LYRM4: variants seen among roughly 807,000 people sequenced by gnomAD.
The protein encoded by LYRM4 is LYR motif-containing protein 4.
Under a neutral mutation model 11.7 loss-of-function variants are expected in LYRM4, and 9 were observed. The observed-to-expected ratio is 0.77, with a 90% CI of 0.46 to 1.34. The LOEUF (loss-of-function observed/expected upper bound fraction) is 1.34, where lower values mean the gene tolerates loss of function less well. LYRM4 is among the 40% of genes most tolerant of loss of function. The pLI is 0.00. For missense variants in LYRM4, 133 were observed against 112.5 expected, an observed-to-expected ratio of 1.18 and a Z score of -0.82; for synonymous variants, 42 against 40.4, an observed-to-expected ratio of 1.04 and a Z score of -0.15.
intron 1 of LYRM4, among the ~76,000 whole-genome samples, chr6:5,221,466 G>T (rs904993589): frequency 6.6e-6 from 1 of 151,918 alleles, no homozygotes; most frequent in Admixed American, 6.6e-5. Flanking sequence ...AGGCCAAGGC[G>T]GGCGGATCAC....
intron 2 of LYRM4, among the ~76,000 whole-genome samples, chr6:5,176,088 A>G (rs1561849604): frequency 6.8e-6 from 1 of 147,878 alleles, no homozygotes; most frequent in Non-Finnish European, 1.5e-5. Flanking sequence ...TTTTTGAGAC[A>G]GAGTCTCGCT....
chr6:5,058,172 T>A, the LYRM4 span, among the ~76,000 whole-genome samples: 6 of 151,904 alleles, frequency 3.9e-5, no homozygotes, highest in African/African-American at 1.5e-4. Flanking sequence ...TTATGAAGAG[T>A]CTACACGGGG....
chr6:5,091,044 A>G, the LYRM4 span, among the ~76,000 whole-genome samples: 1 of 152,168 alleles, frequency 6.6e-6, no homozygotes, highest in African/African-American at 2.4e-5. Flanking sequence ...TTTGGTTCAC[A>G]CAATAGGACC....
intron 2 of LYRM4, among the ~76,000 whole-genome samples, chr6:5,116,720 G>A (rs1006991409): frequency 2.0e-5 from 3 of 152,162 alleles, no homozygotes; most frequent in Non-Finnish European, 2.9e-5. Context: ...TAGGGAGTTG[G>A]CATTAGAGTC....
At chr6:5,147,251 A>G (rs1757779034) in intron 2 of LYRM4, among the ~76,000 whole-genome samples, 1 of 152,152 alleles carries the variant, frequency 6.6e-6, no homozygotes, top group African/African-American at 2.4e-5. Flanking sequence ...TGTTACCTTA[A>G]CAAAACAAGG....
chr6:5,071,301 T>C, the LYRM4 span, among the ~76,000 whole-genome samples: 9 of 152,280 alleles, frequency 5.9e-5, no homozygotes, highest in East Asian at 9.6e-4. Context: ...CTTTCAATGA[T>C]AGTCTGTGCA....
intron 1 of LYRM4, among the ~76,000 whole-genome samples, chr6:5,228,080 C>T (rs1471656797): frequency 6.6e-6 from 1 of 152,124 alleles, no homozygotes; most frequent in Non-Finnish European, 1.5e-5. Flanking sequence ...CAGCAAACCA[C>T]CATGGCACTT....
intron 2 of LYRM4, among the ~76,000 whole-genome samples, chr6:5,198,042 CA>C (rs928692804): frequency 1.3e-5 from 2 of 151,594 alleles, no homozygotes; most frequent in Non-Finnish European, 2.9e-5. Flanking sequence ...CAAAACAAAA[CA>C]AAAAAACAGC....
chr6:5,126,680 C>A (rs1001979234), intron 2 of LYRM4, among the ~76,000 whole-genome samples: 1 of 152,172 alleles, frequency 6.6e-6, no homozygotes, highest in Non-Finnish European at 1.5e-5. Flanking sequence ...ATACATGCTA[C>A]AAGGATGAAC....
chr6:5,099,118 G>C (rs1228386711), downstream of LYRM4, among the ~76,000 whole-genome samples: 2 of 152,078 alleles, frequency 1.3e-5, no homozygotes, highest in African/African-American at 2.4e-5. The surrounding 1 kb of genome is among the most constrained non-coding windows in gnomAD (Gnocchi z 4.3). Flanking sequence ...TGTACCAGTG[G>C]GGGCTACAAT....
chr6:5,155,172 C>T (rs1758338334), intron 2 of LYRM4, among the ~76,000 whole-genome samples: 1 of 152,152 alleles, frequency 6.6e-6, no homozygotes, highest in South Asian at 2.1e-4. Flanking sequence ...AACTCTGTCT[C>T]CCGGGTTCAA....
At chr6:5,141,733 C>T (rs1757419144) in intron 2 of LYRM4, among the ~76,000 whole-genome samples, 1 of 152,098 alleles carries the variant, frequency 6.6e-6, no homozygotes, top group African/African-American at 2.4e-5. Flanking sequence ...GAGGCTTTTC[C>T]AAACTTTTAC....
the LYRM4 span, chr6:5,053,997 G>A: frequency 3.5e-3 from 1,066 of 304,328 alleles, 13 homozygotes; most frequent in African/African-American, 0.023. Flanking sequence ...CTGTGCTCTT[G>A]CTGACTCACC....
the LYRM4 span, among the ~76,000 whole-genome samples, chr6:5,048,290 GGTGTGTGT>G: frequency 2.1e-3 from 293 of 140,050 alleles, 4 homozygotes; most frequent in Middle Eastern, 0.011. Flanking sequence ...GACACTTTGT[GGTGTGTGT>G]GTGTGTGTGT....
the LYRM4 span, chr6:5,086,653 T>A: frequency 8.8e-7 from 1 of 1,130,004 alleles, no homozygotes; most frequent in Non-Finnish European, 1.2e-6. Flanking sequence ...GACGCTTTGC[T>A]GAGCGTGGCG....
rs1427835336 is a variant in LYRM4 at position 5,260,756 on chromosome 6, C to A, written c.-23G>T. ...CATTTTGGAAAGAAAAAAAAATAAA[C>A]GGGTCCTCTTCGCCGAGGTCCCAAG... On this transcript the variant is annotated 5_prime_UTR_variant, in exon 1 of 3. Coordinates refer to ENST00000330636, the MANE Select transcript of LYRM4 (RefSeq NM_020408.6). 1 of 1,540,992 alleles carries A rather than the reference C, an allele frequency of 6.5e-7. No individual in the cohort carries two copies. The highest frequency in any genetic ancestry group is 1.4e-5 in the African/African-American group (1 of 73,014).
intron 1 of LYRM4, among the ~76,000 whole-genome samples, chr6:5,254,773 G>A (rs913265956): frequency 3.3e-5 from 5 of 152,012 alleles, no homozygotes; most frequent in African/African-American, 1.2e-4. Flanking sequence ...ATGAAATACC[G>A]TTCATTCTGT....
At chr6:5,136,137 C>T in intron 2 of LYRM4, 1 of 271,598 alleles carries the variant, frequency 3.7e-6, no homozygotes, top group Non-Finnish European at 5.6e-6. Context: ...ACATTTTGTT[C>T]ATCCAGGCGT....
chr6:5,089,305 A>G, the LYRM4 span: 1 of 152,242 alleles, frequency 6.6e-6, no homozygotes, highest in African/African-American at 2.4e-5. Context: ...TTAAAAGTAC[A>G]TTATTGCATA....
Sources: gnomAD v4.1 joint callset for allele counts (sites outside exome capture counted in the v4.1 genomes callset) on GRCh38, gnomAD v4.1.1 for gene constraint, Gnocchi (gnomAD v3.1) non-coding constraint, MANE v1.5 for transcripts, NCBI Gene and HGNC (gene_info 2026-07-23, HGNC 2026-07-21) for gene names.